ARFGEF1: variants seen among roughly 807,000 people sequenced by gnomAD.
ARFGEF1 encodes brefeldin A-inhibited guanine nucleotide-exchange protein 1.
Under a neutral mutation model 231.0 loss-of-function variants are expected in ARFGEF1, and 42 were observed. That is an observed-to-expected ratio of 0.18 (90% CI 0.14 to 0.24). ARFGEF1 has a LOEUF of 0.24. Among genes scored for constraint, ARFGEF1 ranks in the 10% least tolerant of loss-of-function variants. The probability of loss-of-function intolerance (pLI) is 1.00; values close to 1 mark genes in which losing one functional copy is unlikely to be tolerated. For synonymous variants in ARFGEF1, 710 were observed against 732.3 expected, an observed-to-expected ratio of 0.97 and a Z score of 0.49; for missense variants, 1,345 against 2,192.0, an observed-to-expected ratio of 0.61 and a Z score of 7.72.
At position 67,272,055 on chromosome 8, in the gene ARFGEF1, A is replaced by G. The variant is rs1462766930; in HGVS notation, c.1338-119T>C. ...ATAATTTCATAAACTTTGTAAATGG[A>G]GAGGAAGAGAAAATTCTATAACATA... is the stretch of plus-strand genomic sequence containing the variant. On this transcript the variant is annotated intron_variant, in intron 9 of 38. Transcript: ENST00000262215. The G allele has an allele frequency of 6.1e-6, 4 of 651,024 alleles. No individual in the cohort carries two copies. In the African/African-American group the frequency reaches 7.3e-5, roughly 12 times the overall value. The allele number at this position is 651,024 out of a possible 1,614,324, so 40.3% of individuals were successfully genotyped here. A position where few individuals can be genotyped will look rare whatever the true frequency, so the allele number is the denominator to read the frequency against.
At chr8:67,247,435 CAT>C (rs1223199731) in intron 19 of ARFGEF1, among the ~76,000 whole-genome samples, 4 of 150,530 alleles carry the variant, frequency 2.7e-5, no homozygotes, top group Non-Finnish European at 5.9e-5. Context: ...GATGGTTCAA[CAT>C]ACACAAATTA....
At chr8:67,285,809 A>G (rs1805733989) in intron 7 of ARFGEF1, among the ~76,000 whole-genome samples, 2 of 152,212 alleles carry the variant, frequency 1.3e-5, no homozygotes, top group African/African-American at 4.8e-5. Flanking sequence ...CTACTCATAT[A>G]GGATGGTAAA....
chr8:67,276,197 C>G, intron 8 of ARFGEF1, 88 bp from the exon 9 acceptor site: 1 of 1,431,592 alleles, frequency 7.0e-7, no homozygotes. Context: ...ATTCAATTCA[C>G]TAACAGGTGG....
chr8:67,219,768 T>C (rs1345110712), intron 29 of ARFGEF1, among the ~76,000 whole-genome samples: 1 of 152,160 alleles, frequency 6.6e-6, no homozygotes, highest in African/African-American at 2.4e-5. Context: ...TCTCCAAAGG[T>C]CTTGGCTGTA....
intron 1 of ARFGEF1, among the ~76,000 whole-genome samples, chr8:67,316,849 A>G (rs1344266458): frequency 6.6e-6 from 1 of 152,192 alleles, no homozygotes; most frequent in Non-Finnish European, 1.5e-5. Context: ...TGACAGGAGC[A>G]TCTTTATTAT....
chr8:67,190,468 A>C (rs1164078158), intron 5 of ARFGEF1, among the ~76,000 whole-genome samples: 1 of 152,170 alleles, frequency 6.6e-6, no homozygotes, highest in Non-Finnish European at 1.5e-5. Flanking sequence ...TTCTACTTTA[A>C]AGTGATGATT....
chr8:67,253,582 T>C lies in ARFGEF1; in HGVS notation c.2567A>G (p.Asn856Ser). ...GTCTTTACTGTCATTGATACCTCTA[T>C]TCATCTTAATGTATTGTTCCTTTGT... is the stretch of plus-strand genomic sequence containing the variant. ...KMTKEQYIKM[N>S]RGINDSKDLP... The change falls in exon 18 of 39, where the codon AAT becomes AGT. Residue 856 changes from asparagine (N) to serine (S), a missense_variant. Asn to Ser is a conservative substitution (Grantham distance 46). Around this residue, in one of 14 missense-constraint regions of ARFGEF1, gnomAD observed 58 missense variants for 133.6 expected, o/e 0.43. Coordinates refer to ENST00000262215, the MANE Select transcript of ARFGEF1 (RefSeq NM_006421.5). 1 of 1,571,442 alleles carries C rather than the reference T, an allele frequency of 6.4e-7. No individual in the cohort carries two copies. Among genetic ancestry groups the C allele is most frequent in the Non-Finnish European group, 8.7e-7 (1 of 1,147,654 alleles).
rs73258614 is a variant in ARFGEF1 at position 67,262,255 on chromosome 8, C to T, written c.2124-2329G>A. 5.4e-3 allele frequency among the ~76,000 whole-genome samples: 818 copies of T among 152,132 alleles called. 7 individuals are homozygous for T. Among genetic ancestry groups the T allele is most frequent in the African/African-American group, 0.019 (789 of 41,488 alleles). ...CCCTTATGGACGATTTTCAGGAGTC[C>T]AAGACATCAGGGGAGGAAGTAACTG... On this transcript the variant is annotated intron_variant, in intron 14 of 38. Transcript: ENST00000262215.
chr8:67,239,564 TTG>T lies in ARFGEF1; in HGVS notation c.2979+596_2979+597del, dbSNP rs1280579782. ...AAAAAAAAAAATTCATTAAGCACTT[TTG>T]TTTTGATTACTAGATTAGCAAAAAC... On this transcript the variant is annotated intron_variant, in intron 20 of 38. Coordinates refer to ENST00000262215, the MANE Select transcript of ARFGEF1 (RefSeq NM_006421.5). Among the ~76,000 whole-genome samples the T allele has an allele frequency of 2.0e-5, 3 of 152,204 alleles. No homozygotes were observed. In the East Asian group the frequency reaches 5.8e-4, roughly 29 times the overall value.
At chr8:67,258,598 A>T (rs1001134587) in intron 15 of ARFGEF1, among the ~76,000 whole-genome samples, 2 of 152,176 alleles carry the variant, frequency 1.3e-5, no homozygotes, top group African/African-American at 4.8e-5. Context: ...CTGGGATTAC[A>T]GGCATGAGCC....
chr8:67,266,284 A>G (rs1804847330), intron 13 of ARFGEF1, 77 bp from the exon 14 acceptor site: 1 of 1,171,424 alleles, frequency 8.5e-7, no homozygotes, highest in Non-Finnish European at 1.2e-6. Flanking sequence ...AAATTCTTGA[A>G]TAAGGCAAGG....
At chr8:67,178,854 A>C (rs1433399206) in intron 5 of ARFGEF1, among the ~76,000 whole-genome samples, 1 of 152,106 alleles carries the variant, frequency 6.6e-6, no homozygotes, top group African/African-American at 2.4e-5. Context: ...TGCCTTTGAC[A>C]CTTGTGCATG....
chr8:67,301,761 A>G (rs1806502729), intron 2 of ARFGEF1, among the ~76,000 whole-genome samples: 1 of 152,194 alleles, frequency 6.6e-6, no homozygotes, highest in Non-Finnish European at 1.5e-5. Context: ...TAGTTATTCA[A>G]TATTGTCCTA....
At chr8:67,324,405 C>G (rs1410470521) in intron 1 of ARFGEF1, among the ~76,000 whole-genome samples, 1 of 152,214 alleles carries the variant, frequency 6.6e-6, no homozygotes, top group Non-Finnish European at 1.5e-5. Flanking sequence ...TAAGTGCAGA[C>G]ATGCTTCCTT....
At chr8:67,179,316 A>G (rs1336143213) in intron 5 of ARFGEF1, among the ~76,000 whole-genome samples, 2 of 152,160 alleles carry the variant, frequency 1.3e-5, no homozygotes, top group African/African-American at 4.8e-5. Flanking sequence ...TTGCTGTCAC[A>G]TAGGGCTGTC....
chr8:67,259,980 A>C, intron 14 of ARFGEF1, 54 bp from the exon 15 acceptor site: 1 of 1,242,828 alleles, frequency 8.0e-7, no homozygotes, highest in Non-Finnish European at 1.1e-6. Flanking sequence ...GTAGTCCCTG[A>C]AAAGATCTTA....
intron 1 of ARFGEF1, among the ~76,000 whole-genome samples, chr8:67,318,468 G>A (rs1182386039): frequency 6.6e-6 from 1 of 151,968 alleles, no homozygotes; most frequent in African/African-American, 2.4e-5. Flanking sequence ...CCCAGACAGT[G>A]TAAATAAGTA....
chr8:67,242,486 C>T (rs1177564531), intron 19 of ARFGEF1, among the ~76,000 whole-genome samples: 1 of 152,146 alleles, frequency 6.6e-6, no homozygotes, highest in Non-Finnish European at 1.5e-5. Flanking sequence ...AGGGAATGGC[C>T]CAGTCCTCAC....
intron 1 of ARFGEF1, among the ~76,000 whole-genome samples, chr8:67,339,273 G>C (rs1808487492): frequency 6.6e-6 from 1 of 152,084 alleles, no homozygotes; most frequent in Non-Finnish European, 1.5e-5. Flanking sequence ...ATCACTGCCA[G>C]TATATGCCTC....
Sources: gnomAD v4.1 joint callset for allele counts (sites outside exome capture counted in the v4.1 genomes callset) on GRCh38, gnomAD v4.1.1 for gene constraint, gnomAD v4.1.1 regional missense constraint, MANE v1.5 for transcripts, NCBI Gene and HGNC (gene_info 2026-07-23, HGNC 2026-07-21) for gene names.